EXOC6B: variants seen among roughly 807,000 people sequenced by gnomAD.
EXOC6B encodes exocyst complex component 6B.
A neutral mutation model predicts 113.5 loss-of-function variants in EXOC6B; 54 were observed. The observed-to-expected ratio is 0.48, with a 90% CI of 0.38 to 0.60. The LOEUF is 0.60. EXOC6B is among the 20% of genes least tolerant of loss of function. EXOC6B has a pLI of 0.00. For synonymous variants in EXOC6B, 357 were observed against 339.0 expected (o/e 1.05, Z -0.58); for missense variants, 797 against 977.5 (o/e 0.82, Z 2.46).
At chr2:72,635,234 T>G (rs1672737865) in intron 6 of EXOC6B, among the ~76,000 whole-genome samples, 1 of 151,760 alleles carries the variant, frequency 6.6e-6, no homozygotes, top group African/African-American at 2.4e-5. Context: ...TCAATTAAAT[T>G]GAGAACAGGA....
chr2:72,289,955 A>C (rs1010079686), intron 20 of EXOC6B, among the ~76,000 whole-genome samples: 6 of 152,116 alleles, frequency 3.9e-5, no homozygotes, highest in Admixed American at 1.3e-4. Flanking sequence ...GCCTGAAAAA[A>C]CCACAAAGGT....
intron 20 of EXOC6B, among the ~76,000 whole-genome samples, chr2:72,225,799 A>G (rs1212536949): frequency 6.6e-6 from 1 of 152,220 alleles, no homozygotes; most frequent in Non-Finnish European, 1.5e-5. Context: ...ATCCATATAT[A>G]AAGCACCTCT....
chr2:72,194,664 T>A (rs1679057897), intron 20 of EXOC6B, among the ~76,000 whole-genome samples: 1 of 151,926 alleles, frequency 6.6e-6, no homozygotes, highest in Admixed American at 6.6e-5. Flanking sequence ...CCTAGAAAGC[T>A]GCAGAACTGC....
chr2:72,603,247 G>C (rs1376056283), intron 6 of EXOC6B, among the ~76,000 whole-genome samples: 1 of 152,000 alleles, frequency 6.6e-6, no homozygotes, highest in Non-Finnish European at 1.5e-5. Context: ...CAGACAAGAG[G>C]CCTGCTTTTT....
At chr2:72,688,292 T>C (rs1677230676) in intron 6 of EXOC6B, among the ~76,000 whole-genome samples, 1 of 152,120 alleles carries the variant, frequency 6.6e-6, no homozygotes. Flanking sequence ...AGAAATTTAC[T>C]TAGGAGAGGA....
intron 20 of EXOC6B, among the ~76,000 whole-genome samples, chr2:72,281,808 T>A (rs1685150165): frequency 6.6e-6 from 1 of 152,144 alleles, no homozygotes; most frequent in Non-Finnish European, 1.5e-5. Flanking sequence ...AGAGTAAAAC[T>A]GCCAAAAACT....
chr2:72,468,560 T>C (rs981383143), intron 17 of EXOC6B, among the ~76,000 whole-genome samples: 2 of 152,230 alleles, frequency 1.3e-5, no homozygotes, highest in Non-Finnish European at 2.9e-5. Flanking sequence ...TAGTAGATTT[T>C]GAAGTCAGGT....
intron 5 of EXOC6B, among the ~76,000 whole-genome samples, chr2:72,724,631 A>G (rs560761714): frequency 6.6e-6 from 1 of 152,322 alleles, no homozygotes; most frequent in South Asian, 2.1e-4. Flanking sequence ...AGATCTAAAA[A>G]AATACCAGAA....
At chr2:72,706,543 T>G (rs2104666133) in intron 6 of EXOC6B, among the ~76,000 whole-genome samples, 1 of 152,242 alleles carries the variant, frequency 6.6e-6, no homozygotes, top group Non-Finnish European at 1.5e-5. Flanking sequence ...AGATAATATT[T>G]TTTTTGTTTT....
At chr2:72,709,807 T>C (rs1679152757) in intron 6 of EXOC6B, among the ~76,000 whole-genome samples, 1 of 152,168 alleles carries the variant, frequency 6.6e-6, no homozygotes, top group Non-Finnish European at 1.5e-5. Flanking sequence ...TTTAGATTGC[T>C]TATGAGAACC....
chr2:72,404,853 A>G (rs1693614356), intron 18 of EXOC6B, among the ~76,000 whole-genome samples: 1 of 152,204 alleles, frequency 6.6e-6, no homozygotes, highest in Admixed American at 6.5e-5. Context: ...ACAATGCTGC[A>G]TGGAGAACGA....
At chr2:72,287,462 TA>T (rs1685513420) in intron 20 of EXOC6B, among the ~76,000 whole-genome samples, 1 of 146,264 alleles carries the variant, frequency 6.8e-6, no homozygotes, top group South Asian at 2.2e-4. Context: ...AAAATAAAAA[TA>T]AAAAAATAAA....
chr2:72,513,865 G>GA (rs1362468289), intron 10 of EXOC6B, among the ~76,000 whole-genome samples: 1 of 151,680 alleles, frequency 6.6e-6, no homozygotes, highest in Non-Finnish European at 1.5e-5. Flanking sequence ...TCATATTAAT[G>GA]AAAAAAGTCT....
At chr2:72,677,067 C>T (rs561313741) in intron 6 of EXOC6B, among the ~76,000 whole-genome samples, 1 of 152,148 alleles carries the variant, frequency 6.6e-6, no homozygotes, top group South Asian at 2.1e-4. Context: ...TAAATAAATT[C>T]CACTAAATCT....
chr2:72,489,639 C>T (rs1414222906), intron 16 of EXOC6B, among the ~76,000 whole-genome samples: 3 of 152,240 alleles, frequency 2.0e-5, no homozygotes, highest in South Asian at 2.1e-4. Context: ...ACAGCTATTA[C>T]GAGGAGGGCC....
Position 72,453,844 on chromosome 2 carries a change from T to A in EXOC6B, c.1980+11316A>T, listed in dbSNP as rs537098661. 3.7e-4 allele frequency among the ~76,000 whole-genome samples: 56 copies of A among 152,296 alleles called. 2 individuals carry two copies. The South Asian group carries it at 0.011, about 30-fold the overall frequency. ...CTGTTCTCACTCTCCTATGAAGAAA[T>A]ACTCAAGACTGGGTAATCTATAAAG... is the stretch of plus-strand genomic sequence containing the variant. On this transcript the variant is annotated intron_variant, in intron 18 of 21. Transcript: ENST00000272427.
chr2:72,413,481 G>C (rs1391298720), intron 18 of EXOC6B, among the ~76,000 whole-genome samples: 2 of 150,376 alleles, frequency 1.3e-5, no homozygotes, highest in East Asian at 2.0e-4. Flanking sequence ...AGGTCAGATC[G>C]AGACCATCCT....
At chr2:72,592,199 A>G (rs1706011110) in intron 6 of EXOC6B, among the ~76,000 whole-genome samples, 1 of 152,208 alleles carries the variant, frequency 6.6e-6, no homozygotes, top group South Asian at 2.1e-4. Flanking sequence ...CTTTTGGGCC[A>G]GCATCCAGGA....
intron 18 of EXOC6B, among the ~76,000 whole-genome samples, chr2:72,431,679 G>A (rs1695542731): frequency 3.3e-5 from 5 of 151,820 alleles, no homozygotes; most frequent in Admixed American, 3.3e-4. Context: ...TTCAGTTCTG[G>A]GATACATATG....
Sources: gnomAD v4.1 joint callset for allele counts (sites outside exome capture counted in the v4.1 genomes callset) on GRCh38, gnomAD v4.1.1 for gene constraint, MANE v1.5 for transcripts, NCBI Gene and HGNC (gene_info 2026-07-23, HGNC 2026-07-21) for gene names.